NRXN3: variants seen among roughly 807,000 people sequenced by gnomAD.
NRXN3 encodes the protein neurexin III.
In NRXN3, 32 loss-of-function variants were observed where a neutral mutation model predicts 137.6. The ratio of observed to expected loss-of-function variants is 0.23; its 90% CI spans 0.18 to 0.31. The LOEUF is 0.31. Among genes scored for constraint, NRXN3 ranks in the 10% least tolerant of loss-of-function variants. The pLI, the probability that NRXN3 is intolerant of heterozygous loss-of-function variation, is 1.00. For missense variants in NRXN3, 1,574 were observed against 2,062.5 expected (o/e 0.76, Z 4.59); for synonymous variants, 798 against 784.5 (o/e 1.02, Z -0.29).
Position 79,603,709 on chromosome 14 carries a change from G to GAA in NRXN3, c.3445-60060_3445-60059dup, listed in dbSNP as rs149819224. Among the ~76,000 whole-genome samples the GAA allele has an allele frequency of 6.1e-3, 902 of 147,190 alleles. 12 individuals are homozygous for GAA. Among genetic ancestry groups the GAA allele is most frequent in the Middle Eastern group, 0.041 (12 of 292 alleles). Reference sequence around the variant, plus strand: ...CAGAAAAGGTAGTCAATAAATGTTTGAAAAAAAAAATCCCAGTTTGATAAT... The same window carrying GAA: ...CAGAAAAGGTAGTCAATAAATGTTTGAAAAAAAAAAAATCCCAGTTTGATAAT... On this transcript the variant is annotated intron_variant, in intron 16 of 20. Coordinates refer to ENST00000335750, the MANE Select transcript of NRXN3 (RefSeq NM_001330195.2).
intron 15 of NRXN3, among the ~76,000 whole-genome samples, chr14:79,145,063 A>G (rs1202130478): frequency 2.0e-5 from 3 of 151,632 alleles, no homozygotes. Context: ...TGTGTGGGAG[A>G]CTCTTTAGAT....
At chr14:79,147,577 T>C (rs1005245572) in intron 15 of NRXN3, among the ~76,000 whole-genome samples, 1 of 152,084 alleles carries the variant, frequency 6.6e-6, no homozygotes, top group African/African-American at 2.4e-5. Context: ...CTTTTCTCTT[T>C]TAGCACTTAG....
intron 15 of NRXN3, among the ~76,000 whole-genome samples, chr14:79,269,361 T>C (rs1000409319): frequency 6.6e-6 from 1 of 152,196 alleles, no homozygotes; most frequent in Non-Finnish European, 1.5e-5. Flanking sequence ...ATTTTTCTTA[T>C]TTTGTACTGA....
intron 15 of NRXN3, among the ~76,000 whole-genome samples, chr14:79,118,409 G>A (rs1028776830): frequency 1.6e-4 from 24 of 152,290 alleles, no homozygotes; most frequent in African/African-American, 5.8e-4. Context: ...AGCTGTGAAG[G>A]GGAATGGCAT....
intron 16 of NRXN3, among the ~76,000 whole-genome samples, chr14:79,603,548 C>T (rs1253890494): frequency 6.6e-6 from 1 of 152,148 alleles, no homozygotes; most frequent in Non-Finnish European, 1.5e-5. Context: ...TTCTTTAATA[C>T]CTAGTTTATG....
At chr14:79,524,236 T>A (rs1219841485) in intron 16 of NRXN3, among the ~76,000 whole-genome samples, 1 of 152,226 alleles carries the variant, frequency 6.6e-6, no homozygotes, top group East Asian at 1.9e-4. Context: ...AGAGGGGGGA[T>A]AACCTCATGG....
At chr14:78,256,910 T>A (rs999068429) in intron 2 of NRXN3, among the ~76,000 whole-genome samples, 2 of 152,234 alleles carry the variant, frequency 1.3e-5, no homozygotes, top group Non-Finnish European at 2.9e-5. Flanking sequence ...CCTGACTGCC[T>A]GTAGCAATCC....
At position 78,695,104 on chromosome 14, in the gene NRXN3, C is replaced by T. The variant is rs142421924; in HGVS notation, c.1222-14113C>T. The stretch of plus-strand genomic sequence containing the variant: ...ACTCTTCCCATTTCTGATAGCTGCC[C>T]ATATTCCTTGGCTTGTGGCCCTTAA... On this transcript the variant is annotated intron_variant, in intron 6 of 20. Transcript: ENST00000335750. Among the ~76,000 whole-genome samples the T allele has an allele frequency of 5.3e-5, 8 of 152,086 alleles. No homozygotes were observed. In the East Asian group the frequency reaches 1.5e-3, roughly 29 times the overall value.
chr14:78,427,784 A>G (rs2093718908), intron 4 of NRXN3, among the ~76,000 whole-genome samples: 1 of 152,216 alleles, frequency 6.6e-6, no homozygotes, highest in African/African-American at 2.4e-5. Flanking sequence ...GGCTAAGAAC[A>G]CAGATATCAC....
rs77873938 is a variant in NRXN3 at position 78,272,753 on chromosome 14, G to T, written c.710-5892G>T. On this transcript the variant is annotated intron_variant, in intron 2 of 20. Transcript: ENST00000335750. The stretch of plus-strand genomic sequence containing the variant: ...TGACCCTTACCTGATGTGCTGCTGA[G>T]TCTGAGAGGTATAATCATAGTGCAA... Among the ~76,000 whole-genome samples, 517 of 152,292 alleles carry T rather than the reference G, an allele frequency of 3.4e-3. 18 individuals carry two copies. In the East Asian group the frequency reaches 0.079, roughly 23 times the overall value.
chr14:79,649,771 C>T (rs945159381), intron 16 of NRXN3, among the ~76,000 whole-genome samples: 1 of 152,180 alleles, frequency 6.6e-6, no homozygotes, highest in Non-Finnish European at 1.5e-5. Flanking sequence ...CTAAACTTCT[C>T]CCATTCCTCT....
chr14:78,715,427 CTCCAGGG>C (rs1286876433), intron 8 of NRXN3, among the ~76,000 whole-genome samples: 1 of 152,170 alleles, frequency 6.6e-6, no homozygotes, highest in Non-Finnish European at 1.5e-5. Flanking sequence ...TCTTTTGGGA[CTCCAGGG>C]GGCCTAGCCA....
rs564081682 is a variant in NRXN3, at chr14:78,398,430, C to T, written c.757+100570C>T. Among the ~76,000 whole-genome samples the T allele has an allele frequency of 3.9e-5, 6 of 152,048 alleles. No individual in the cohort carries two copies. The East Asian group carries it at 1.2e-3, about 30-fold the overall frequency. ...TTGGCTTTGTCTGACACTTCTCTGT[C>T]GGGGAAAGGTGGTTGGGGGAACCAC... On this transcript the variant is annotated intron_variant, in intron 4 of 20. Transcript: ENST00000335750.
At chr14:79,196,909 G>A (rs2065217462) in intron 15 of NRXN3, among the ~76,000 whole-genome samples, 1 of 152,152 alleles carries the variant, frequency 6.6e-6, no homozygotes, top group Non-Finnish European at 1.5e-5. Context: ...TGGGTTGCTT[G>A]AGGGTCAGCT....
intron 19 of NRXN3, among the ~76,000 whole-genome samples, chr14:79,712,371 C>G (rs556877809): frequency 6.6e-6 from 1 of 152,154 alleles, no homozygotes; most frequent in Non-Finnish European, 1.5e-5. Context: ...AAAATTCTAT[C>G]GCATTTCGAT....
intron 4 of NRXN3, among the ~76,000 whole-genome samples, chr14:78,301,406 G>A (rs969632943): frequency 6.6e-6 from 1 of 152,108 alleles, no homozygotes; most frequent in Non-Finnish European, 1.5e-5. Flanking sequence ...GCAAACTTGC[G>A]CCAACACTCT....
chr14:79,656,616 CTTTTT>C (rs58620442), intron 16 of NRXN3, among the ~76,000 whole-genome samples: 1 of 137,858 alleles, frequency 7.3e-6, no homozygotes, highest in Non-Finnish European at 1.6e-5. Flanking sequence ...CTCTCTCTCT[CTTTTT>C]TTTTTTTTTT....
At chr14:79,243,929 A>T (rs2074747937) in intron 15 of NRXN3, among the ~76,000 whole-genome samples, 1 of 152,138 alleles carries the variant, frequency 6.6e-6, no homozygotes, top group Admixed American at 6.6e-5. Flanking sequence ...CAGGCTCCAG[A>T]TCCCAGCTTT....
At chr14:78,704,605 G>A (rs1407398947) in intron 6 of NRXN3, among the ~76,000 whole-genome samples, 1 of 152,128 alleles carries the variant, frequency 6.6e-6, no homozygotes, top group Admixed American at 6.5e-5. Flanking sequence ...TCTGCTTTGT[G>A]TGTAGGCATG....
Sources: gnomAD v4.1 joint callset for allele counts (sites outside exome capture counted in the v4.1 genomes callset) on GRCh38, gnomAD v4.1.1 for gene constraint, MANE v1.5 for transcripts, NCBI Gene and HGNC (gene_info 2026-07-23, HGNC 2026-07-21) for gene names.